ANOS1: variants seen among roughly 807,000 people sequenced by gnomAD.
The protein encoded by ANOS1 is anosmin-1.
Under a neutral mutation model 59.0 loss-of-function variants are expected in ANOS1, and 6 were observed. The ratio of observed to expected loss-of-function variants is 0.10; its 90% confidence interval spans 0.06 to 0.20. ANOS1 has a LOEUF of 0.20. Among genes scored for constraint, ANOS1 ranks in the 10% least tolerant of loss-of-function variants. The probability of loss-of-function intolerance (pLI) is 1.00; values close to 1 mark genes in which losing one functional copy is unlikely to be tolerated. For synonymous variants in ANOS1, 217 were observed against 223.4 expected (o/e 0.97, Z 0.25); for missense variants, 433 against 542.3 (o/e 0.80, Z 2.00).
intron 1 of ANOS1, among the ~76,000 whole-genome samples, chrX:8,709,159 T>C (rs760554538): frequency 9.1e-6 from 1 of 109,487 alleles, no homozygotes; most frequent in African/African-American, 3.3e-5. Context: ...AAATACCTAA[T>C]ATAGATAGAT....
At chrX:8,533,564 G>A (rs1412781502) in intron 13 of ANOS1, among the ~76,000 whole-genome samples, 2 of 111,939 alleles carry the variant, frequency 1.8e-5, no homozygotes, top group Non-Finnish European at 3.8e-5. Flanking sequence ...AATTCTCAAT[G>A]TTTTGTCCAC....
At chrX:8,558,362 T>A (rs1004426001) in intron 8 of ANOS1, among the ~76,000 whole-genome samples, 7 of 110,906 alleles carry the variant, frequency 6.3e-5, no homozygotes, top group African/African-American at 2.3e-4. Flanking sequence ...TTCATCCTGT[T>A]ATTTAGTCAT....
At chrX:8,629,671 T>C (rs942501462) in intron 2 of ANOS1, among the ~76,000 whole-genome samples, 2 of 106,491 alleles carry the variant, frequency 1.9e-5, no homozygotes, top group Non-Finnish European at 3.8e-5. Flanking sequence ...AAGGAAATTG[T>C]GGATACTACT....
Position 8,599,939 on chromosome X carries a change from C to T in ANOS1, c.319-2683G>A, listed in dbSNP as rs765372964. Among the ~76,000 whole-genome samples the T allele has an allele frequency of 8.0e-5, 9 of 111,917 alleles. No homozygotes were observed. In the East Asian group the frequency reaches 8.5e-4, roughly 11 times the overall value. ...TGGTGGGAGGAATGTCTCTCTTTTCCGGCAGTTAGTTCATTAATTTTAGCC... is the reference window on the plus strand; with the variant it reads ...TGGTGGGAGGAATGTCTCTCTTTTCTGGCAGTTAGTTCATTAATTTTAGCC... On this transcript the variant is annotated intron_variant, in intron 3 of 13. Coordinates refer to ENST00000262648, the MANE Select transcript of ANOS1 (RefSeq NM_000216.4).
At chrX:8,679,244 T>A (rs1331442592) in intron 2 of ANOS1, among the ~76,000 whole-genome samples, 3 of 110,530 alleles carry the variant, frequency 2.7e-5, no homozygotes, top group African/African-American at 6.6e-5. Context: ...ATAATAATAA[T>A]AAAATTAAAA....
intron 3 of ANOS1, among the ~76,000 whole-genome samples, chrX:8,601,955 G>A (rs917135348): frequency 8.9e-6 from 1 of 111,906 alleles, no homozygotes; most frequent in Non-Finnish European, 1.9e-5. Flanking sequence ...AGTGTGTCCA[G>A]CCACTAGATT....
At chrX:8,638,372 C>A (rs1931605459) in intron 2 of ANOS1, among the ~76,000 whole-genome samples, 1 of 112,315 alleles carries the variant, frequency 8.9e-6, no homozygotes, top group African/African-American at 3.2e-5. Context: ...TTTGTAACCT[C>A]CCTCTCTACC....
In ANOS1 at chrX:8,534,302, C is replaced by G; in HGVS notation, c.1984+17G>C. The G allele has an allele frequency of 7.4e-6, 9 of 1,209,699 alleles. No homozygotes were observed. Among genetic ancestry groups the G allele is most frequent in the Non-Finnish European group, 1.0e-5 (9 of 893,939 alleles). ...AAGACCTGACAGGATGGCTTAATGC[C>G]CTGGCACCCCACTCACTGTGTGCTG... On this transcript the variant is annotated intron_variant, in intron 13 of 13. Coordinates refer to ENST00000262648, the MANE Select transcript of ANOS1 (RefSeq NM_000216.4).
Position 8,568,448 on chromosome X carries a change from C to T in ANOS1, c.1063-72G>A, listed in dbSNP as rs891298376. On this transcript the variant is annotated intron_variant, in intron 7 of 13. Coordinates refer to ENST00000262648, the MANE Select transcript of ANOS1 (RefSeq NM_000216.4). ...GTCTCTCATCTTCATTGCAAAATCTCGTGTGTCATTATGAAGCATGCCAAC... is the reference window on the plus strand; with the variant it reads ...GTCTCTCATCTTCATTGCAAAATCTTGTGTGTCATTATGAAGCATGCCAAC... The T allele has an allele frequency of 5.1e-6, 5 of 976,022 alleles. No homozygotes were observed. The African/African-American group carries it at 5.7e-5, about 11-fold the overall frequency. 80.4% of individuals were successfully genotyped at this position (976,022 alleles called of 1,213,427 possible). A position where few individuals can be genotyped will look rare whatever the true frequency, so the allele number is the denominator to read the frequency against.
chrX:8,704,313 T>G (rs1006601129), intron 1 of ANOS1, among the ~76,000 whole-genome samples: 1 of 112,049 alleles, frequency 8.9e-6, no homozygotes, highest in Admixed American at 9.5e-5. Context: ...CTACTGTGTA[T>G]GTTGAATGGC....
chrX:8,717,823 C>T (rs1932850563), intron 1 of ANOS1, among the ~76,000 whole-genome samples: 1 of 111,878 alleles, frequency 8.9e-6, no homozygotes, highest in South Asian at 3.8e-4. Context: ...CCAGCCTGGG[C>T]AACATAGTGA....
At chrX:8,692,629 T>C (rs911817315) in intron 2 of ANOS1, among the ~76,000 whole-genome samples, 1 of 111,275 alleles carries the variant, frequency 9.0e-6, no homozygotes, top group Non-Finnish European at 1.9e-5. Context: ...AAGACACTCA[T>C]GTGAGGGCCT....
In ANOS1 at chrX:8,571,358, C is replaced by T. The variant is rs191101276; in HGVS notation, c.857-654G>A. 2.8e-4 allele frequency among the ~76,000 whole-genome samples: 31 copies of T among 110,970 alleles called. No homozygotes were observed. The East Asian group carries it at 8.2e-3, about 29-fold the overall frequency. On this transcript the variant is annotated intron_variant, in intron 6 of 13. Transcript: ENST00000262648. ...GTACAATTCAATGTGGGTGAATTGA[C>T]ATTAAATAGGTAAGCAACAAAGAAT...
chrX:8,597,881 G>C (rs1930772512), intron 3 of ANOS1, among the ~76,000 whole-genome samples: 1 of 108,562 alleles, frequency 9.2e-6, no homozygotes, highest in African/African-American at 3.4e-5. Context: ...TGTTGTCCAG[G>C]GTGGTATTAA....
At chrX:8,659,592 T>C (rs868564039) in intron 2 of ANOS1, among the ~76,000 whole-genome samples, 1 of 28,808 alleles carries the variant, frequency 3.5e-5, no homozygotes, top group African/African-American at 1.6e-4. Context: ...TTGCCTTCCT[T>C]CCTTCCTTCC....
At chrX:8,576,619 C>T (rs2095551329) in intron 6 of ANOS1, among the ~76,000 whole-genome samples, 1 of 110,101 alleles carries the variant, frequency 9.1e-6, no homozygotes, top group Non-Finnish European at 1.9e-5. Flanking sequence ...AGGAATTTTA[C>T]AACTTATTTC....
intron 2 of ANOS1, among the ~76,000 whole-genome samples, chrX:8,676,925 G>A (rs759537831): frequency 3.6e-4 from 40 of 111,788 alleles, no homozygotes; most frequent in African/African-American, 9.1e-4. Flanking sequence ...AATCTGTGGT[G>A]TCTCATTCAA....
rs535781709 is a variant in ANOS1 at position 8,548,006 on chromosome X, C to T, written c.1354+5946G>A. 2.7e-4 allele frequency among the ~76,000 whole-genome samples: 30 copies of T among 112,133 alleles called. No individual in the cohort carries two copies. The East Asian group carries it at 4.2e-3, about 16-fold the overall frequency. ...CTGGGATTACAGGCGTGAGCCACCG[C>T]GCCTGGCCAATTCAAAGTTTTAAAA... On this transcript the variant is annotated intron_variant, in intron 9 of 13. Coordinates refer to ENST00000262648, the MANE Select transcript of ANOS1 (RefSeq NM_000216.4).
At chrX:8,607,063 G>C (rs944552487) in intron 3 of ANOS1, among the ~76,000 whole-genome samples, 6 of 112,222 alleles carry the variant, frequency 5.3e-5, no homozygotes, top group African/African-American at 1.9e-4. Flanking sequence ...GTTGCAGTGA[G>C]CCAAGATTGC....
Sources: allele counts gnomAD v4.1 joint callset (sites outside exome capture counted in the v4.1 genomes callset), GRCh38; gene constraint gnomAD v4.1.1; transcripts MANE v1.5; gene names NCBI Gene and HGNC (gene_info 2026-07-23, HGNC 2026-07-21).